EYS: variants seen among roughly 807,000 people sequenced by gnomAD.
EYS encodes the protein protein eyes shut homolog.
EYS carries 250 observed loss-of-function variants against 282.1 expected under a neutral mutation model. That is an observed-to-expected ratio of 0.89 (90% CI 0.80 to 0.98). EYS has a LOEUF of 0.98. Among genes scored for constraint, EYS ranks in the 50% least tolerant of loss-of-function variants. EYS has a pLI of 0.00. For missense variants in EYS, 4,016 were observed against 3,709.0 expected (o/e 1.08, Z -2.15); for synonymous variants, 1,355 against 1,282.9 (o/e 1.06, Z -1.20).
chr6:64,355,016 C>T (rs1362289314), intron 29 of EYS, among the ~76,000 whole-genome samples: 1 of 151,506 alleles, frequency 6.6e-6, no homozygotes, highest in African/African-American at 2.4e-5. Context: ...TTAATCTTTA[C>T]TTCATATGTT....
chr6:64,580,017 T>A (rs1270899933), intron 26 of EYS, among the ~76,000 whole-genome samples: 1 of 152,176 alleles, frequency 6.6e-6, no homozygotes, highest in Non-Finnish European at 1.5e-5. Flanking sequence ...GCACATTATA[T>A]TTATTTATTT....
intron 30 of EYS, among the ~76,000 whole-genome samples, chr6:64,271,925 T>C (rs1234922896): frequency 1.3e-5 from 2 of 152,116 alleles, no homozygotes; most frequent in African/African-American, 4.8e-5. Context: ...CTGCAACCTC[T>C]GTGTCCTGGT....
chr6:64,823,243 G>T (rs1764952558), intron 19 of EYS, among the ~76,000 whole-genome samples: 1 of 151,646 alleles, frequency 6.6e-6, no homozygotes. Context: ...GTCTATTAAT[G>T]GGCTCCCTGA....
chr6:64,296,254 C>G (rs1768981388), intron 30 of EYS, among the ~76,000 whole-genome samples: 1 of 152,144 alleles, frequency 6.6e-6, no homozygotes, highest in East Asian at 1.9e-4. Flanking sequence ...ACTACTTCAG[C>G]AAAATAATTA....
At chr6:64,553,734 A>G (rs938623955) in intron 26 of EYS, among the ~76,000 whole-genome samples, 11 of 152,100 alleles carry the variant, frequency 7.2e-5, no homozygotes, top group Non-Finnish European at 5.9e-5. Context: ...GGTTCTTTTA[A>G]AAAAGAAAAT....
chr6:65,325,684 G>A (rs1160871194), intron 11 of EYS, among the ~76,000 whole-genome samples: 1 of 152,018 alleles, frequency 6.6e-6, no homozygotes, highest in Admixed American at 6.6e-5. Context: ...TTCTGATTTG[G>A]GTGGCCTGTT....
At chr6:65,105,803 G>A (rs533339252) in intron 12 of EYS, among the ~76,000 whole-genome samples, 1 of 152,034 alleles carries the variant, frequency 6.6e-6, no homozygotes, top group East Asian at 1.9e-4. Flanking sequence ...ACATGAACCT[G>A]TAACTGGAGG....
intron 7 of EYS, among the ~76,000 whole-genome samples, chr6:65,396,445 C>T (rs1420949619): frequency 6.6e-6 from 1 of 152,106 alleles, no homozygotes; most frequent in Non-Finnish European, 1.5e-5. Flanking sequence ...TCTGTCATCC[C>T]CATCATACTC....
chr6:64,634,652 A>T (rs955546345), intron 22 of EYS, among the ~76,000 whole-genome samples: 3 of 152,168 alleles, frequency 2.0e-5, no homozygotes, highest in Non-Finnish European at 4.4e-5. Context: ...TGAGATGAAA[A>T]GCATTAAAAA....
At chr6:64,293,577 TGA>T (rs1282568420) in intron 30 of EYS, among the ~76,000 whole-genome samples, 1 of 152,098 alleles carries the variant, frequency 6.6e-6, no homozygotes, top group East Asian at 1.9e-4. Context: ...TGGAAAAATT[TGA>T]GAATGTGTAA....
In EYS at chr6:64,747,168, G is replaced by A. The variant is rs1433687968; in HGVS notation, c.3443+66210C>T. ...GATGAAAAGCAAGTAAAACTACTTT[G>A]TAATTTTTGGTAAGGATCAATGGGT... is the stretch of plus-strand genomic sequence containing the variant. On this transcript the variant is annotated intron_variant, in intron 22 of 42. Transcript: ENST00000503581. Among the ~76,000 whole-genome samples the A allele has an allele frequency of 3.9e-5, 6 of 152,188 alleles. No individual in the cohort carries two copies. The East Asian group carries it at 1.2e-3, about 29-fold the overall frequency.
Position 63,720,923 on chromosome 6 carries a change from A to G in EYS, c.9108T>C (p.Asn3036=). Residue 3036 remains asparagine, a synonymous_variant, in exon 43 of 43, where the codon AAT becomes AAC. Coordinates refer to ENST00000503581, the MANE Select transcript of EYS (RefSeq NM_001142800.2). ...ERISVPMSYN[N]GTFCCNKWHH... is the part of the protein sequence containing the mutation. ...GCCATTTATTACAACAGAATGTGCC[A>G]TTGTTATAGCTCATAGGCACAGAGA... The G allele has an allele frequency of 6.4e-7, 1 of 1,551,156 alleles. No homozygotes were observed.
At position 65,203,001 on chromosome 6, in the gene EYS, C is replaced by T. The variant is rs946496305; in HGVS notation, c.2023+92862G>A. Among the ~76,000 whole-genome samples the T allele has an allele frequency of 3.9e-5, 6 of 152,148 alleles. No individual in the cohort carries two copies. In the South Asian group the frequency reaches 8.3e-4, roughly 21 times the overall value. On this transcript the variant is annotated intron_variant, in intron 12 of 42. Coordinates refer to ENST00000503581, the MANE Select transcript of EYS (RefSeq NM_001142800.2). ...GCTGCCAGCTCACCAGACCCAGTGC[C>T]GCACAGCTTTGCCCTCTCAAGCCAC...
intron 28 of EYS, among the ~76,000 whole-genome samples, chr6:64,410,112 T>TA (rs1287230557): frequency 2.0e-5 from 3 of 152,002 alleles, no homozygotes; most frequent in Admixed American, 6.6e-5. Flanking sequence ...TTAGTGCAGA[T>TA]AAAAAAAGAG....
At chr6:63,725,373 C>T (rs1768576517) in intron 42 of EYS, among the ~76,000 whole-genome samples, 1 of 152,056 alleles carries the variant, frequency 6.6e-6, no homozygotes, top group South Asian at 2.1e-4. Flanking sequence ...GTACAATATT[C>T]CCAGCCAGTC....
intron 28 of EYS, among the ~76,000 whole-genome samples, chr6:64,428,848 T>C (rs1368935543): frequency 6.6e-6 from 1 of 152,202 alleles, no homozygotes; most frequent in Non-Finnish European, 1.5e-5. Flanking sequence ...GTGTATACTT[T>C]GAATTTTTAT....
intron 2 of EYS, among the ~76,000 whole-genome samples, chr6:65,636,823 T>C (rs1767104140): frequency 6.6e-6 from 1 of 152,232 alleles, no homozygotes. Context: ...TTATTTATTT[T>C]TTGAGGCAGG....
intron 1 of EYS, among the ~76,000 whole-genome samples, chr6:65,704,997 T>C (rs1450731657): frequency 6.6e-6 from 1 of 152,186 alleles, no homozygotes; most frequent in East Asian, 1.9e-4. Flanking sequence ...TGGGAACACA[T>C]GGTTTTCTTA....
At chr6:64,016,489 ATTTTT>A (rs11358904) in intron 33 of EYS, among the ~76,000 whole-genome samples, 3 of 138,376 alleles carry the variant, frequency 2.2e-5, no homozygotes, top group Admixed American at 7.3e-5. Flanking sequence ...TACCTTTTTG[ATTTTT>A]TTTTTTTTTT....
Sources: allele counts gnomAD v4.1 joint callset (sites outside exome capture counted in the v4.1 genomes callset), GRCh38; gene constraint gnomAD v4.1.1; transcripts MANE v1.5; gene names NCBI Gene and HGNC (gene_info 2026-07-23, HGNC 2026-07-21).